The following MOG variants were observed in gnomAD, a reference collection of about 807,000 sequenced individuals.
MOG encodes the protein myelin oligodendrocyte glycoprotein.
MOG carries 20 observed loss-of-function variants against 35.9 expected under a neutral mutation model. The observed-to-expected ratio is 0.56, with a 90% confidence interval of 0.39 to 0.81. The LOEUF is 0.81. Among genes scored for constraint, MOG ranks in the 30% least tolerant of loss-of-function variants. MOG has a pLI of 0.00. For missense variants in MOG, 251 were observed against 301.0 expected, an observed-to-expected ratio of 0.83 and a Z score of 1.23; for synonymous variants, 92 against 114.3, an observed-to-expected ratio of 0.80 and a Z score of 1.25.
At chr6:29,657,663 C>CTTTTTTTTTT (rs9278226) in intron 1 of MOG, among the ~76,000 whole-genome samples, 16 of 110,042 alleles carry the variant, frequency 1.5e-4, no homozygotes, top group Admixed American at 2.1e-4. Flanking sequence ...TTTTTCTTTT[C>CTTTTTTTTTT]TTTTTTTTTT....
intron 1 of MOG, among the ~76,000 whole-genome samples, chr6:29,657,663 C>CTTTTTTTTTTTTTTTTT (rs9278226): frequency 3.6e-5 from 4 of 110,048 alleles, no homozygotes; most frequent in Non-Finnish European, 5.4e-5. Flanking sequence ...TTTTTCTTTT[C>CTTTTTTTTTTTTTTTTT]TTTTTTTTTT....
intron 2 of MOG, chr6:29,664,539 C>T: frequency 2.4e-6 from 1 of 416,562 alleles, no homozygotes; most frequent in Non-Finnish European, 4.7e-6. Flanking sequence ...TAGAAGAGGG[C>T]TCTTAACCTT....
intron 3 of MOG, among the ~76,000 whole-genome samples, chr6:29,666,808 T>C (rs1176669878): frequency 1.3e-5 from 2 of 152,228 alleles, no homozygotes; most frequent in African/African-American, 4.8e-5. Flanking sequence ...GCTTTCATTC[T>C]GAGCCTTCTC....
At chr6:29,666,974 G>A (rs1371135065) in intron 3 of MOG, among the ~76,000 whole-genome samples, 9 of 152,160 alleles carry the variant, frequency 5.9e-5, no homozygotes, top group Admixed American at 5.9e-4. Flanking sequence ...CAACAACAAA[G>A]TCCTTTCTCT....
chr6:29,670,064 TGGCAG>T lies in MOG; in HGVS notation c.593-216_593-212del, dbSNP rs1465378655. The T allele has an allele frequency of 1.5e-4, 121 of 830,866 alleles. No homozygotes were observed. Among genetic ancestry groups the T allele is most frequent in the Non-Finnish European group, 2.3e-4 (115 of 490,422 alleles). 51.5% of individuals were successfully genotyped at this position (830,866 alleles called of 1,614,324 possible). On this transcript the variant is annotated intron_variant, in intron 5 of 7. Transcript: ENST00000376917. The surrounding 1 kb of genome is among the most constrained non-coding windows in gnomAD (Gnocchi z 4.2). Reference sequence around the variant, plus strand: ...GATTACAGGCATGAGCCACCACACCTGGCAGTTGTTACATTTTTAATGAAAGAAAA... The same window carrying T: ...GATTACAGGCATGAGCCACCACACCTTTGTTACATTTTTAATGAAAGAAAA...
At chr6:29,658,764 A>G (rs1053115868) in intron 1 of MOG, among the ~76,000 whole-genome samples, 3 of 152,206 alleles carry the variant, frequency 2.0e-5, no homozygotes, top group Non-Finnish European at 2.9e-5. Flanking sequence ...TGTTCTGTCC[A>G]GGACATTCAC....
At chr6:29,663,938 T>C in intron 2 of MOG, 12 of 970,064 alleles carry the variant, frequency 1.2e-5, no homozygotes, top group Non-Finnish European at 1.5e-5. Flanking sequence ...CTGTGATGTA[T>C]CCCTACCTTT....
rs767149808 is a variant in MOG, at chr6:29,670,434, G to T, written c.709+37G>T. ...GGGCAGCAGGCAAGACCACCAAATA[G>T]TGGGGGACCAAGTCAGCTCTGAATG... is the stretch of plus-strand genomic sequence containing the variant. On this transcript the variant is annotated intron_variant, in intron 6 of 7. Transcript: ENST00000376917. The surrounding 1 kb of genome is among the most constrained non-coding windows in gnomAD (Gnocchi z 4.2). 10 of 1,595,430 alleles carry T rather than the reference G, an allele frequency of 6.3e-6. No individual in the cohort carries two copies. In the East Asian group the frequency reaches 2.0e-4, roughly 32 times the overall value.
intron 2 of MOG, among the ~76,000 whole-genome samples, chr6:29,663,252 A>G (rs1389331031): frequency 6.8e-6 from 1 of 147,504 alleles, no homozygotes; most frequent in Non-Finnish European, 1.5e-5. Flanking sequence ...AGCCTGGGGC[A>G]ACAGAGTGAG....
At chr6:29,661,883 G>T (rs1583108038) in intron 2 of MOG, 1 of 984,830 alleles carries the variant, frequency 1.0e-6, no homozygotes, top group African/African-American at 1.8e-5. Context: ...TGCCTCAGGG[G>T]AGAAAGTTCT....
chr6:29,666,162 C>T lies in MOG; in HGVS notation c.447C>T (p.Tyr149=), dbSNP rs1770164486. Residue 149 remains tyrosine (Y), a synonymous_variant, in exon 3 of 8, where the codon TAC becomes TAT. Coordinates refer to ENST00000376917, the MANE Select transcript of MOG (RefSeq NM_206809.4). ...AGTCCTGCCTTTCAGATCCTTTCTA[C>T]TGGGTGAGCCCTGGAGTGCTGGTTC... The part of the protein sequence containing the change: ...AMELKVEDPF[Y]WVSPGVLVLL... 1.2e-6 allele frequency: 2 copies of T among 1,611,418 alleles called. No homozygotes were observed. The highest frequency in any genetic ancestry group is 3.3e-5 in the Admixed American group (2 of 59,986).
Position 29,664,875 on chromosome 6 carries a change from T to C in MOG, c.437-1277T>C, listed in dbSNP as rs1769847475. On this transcript the variant is annotated intron_variant, in intron 2 of 7. Coordinates refer to ENST00000376917, the MANE Select transcript of MOG (RefSeq NM_206809.4). ...ATCTTCCTGCCTTGGCCTCCCAAAG[T>C]GGTGGGATTACAGGGGAGAGCCACC... The C allele has an allele frequency of 1.1e-5, 3 of 280,198 alleles. 1 individual carries two copies. Among genetic ancestry groups the C allele is most frequent in the South Asian group, 8.8e-5 (3 of 34,014 alleles). 17.4% of individuals were successfully genotyped at this position (280,198 alleles called of 1,614,324 possible).
intron 2 of MOG, chr6:29,664,917 A>C: frequency 4.5e-6 from 1 of 222,858 alleles, no homozygotes; most frequent in Non-Finnish European, 9.2e-6. Flanking sequence ...AGCCAGAAGA[A>C]TGTTTTAAAT....
chr6:29,667,635 T>C lies in MOG; in HGVS notation c.551-8T>C. ...CAGGAACTAAAATGTTGCCTTTTTC[T>C]ATTTTAGGAAAACTTCGAGCAGAGA... On this transcript the variant is annotated splice_region_variant and splice_polypyrimidine_tract_variant and intron_variant, in intron 3 of 7. Transcript: ENST00000376917. 6.2e-7 allele frequency: 1 copy of C among 1,614,146 alleles called. No individual in the cohort carries two copies. Among genetic ancestry groups the C allele is most frequent in the Non-Finnish European group, 8.5e-7 (1 of 1,180,016 alleles).
chr6:29,670,020 C>T lies in MOG; in HGVS notation c.593-261C>T, dbSNP rs1319293736. The T allele has an allele frequency of 7.0e-6, 5 of 712,224 alleles. No individual in the cohort carries two copies. The highest frequency in any genetic ancestry group is 2.0e-5 in the Admixed American group (1 of 49,030). 44.1% of individuals were successfully genotyped at this position (712,224 alleles called of 1,614,324 possible). A position where few individuals can be genotyped will look rare whatever the true frequency, so the allele number is the denominator to read the frequency against. On this transcript the variant is annotated intron_variant, in intron 5 of 7. Coordinates refer to ENST00000376917, the MANE Select transcript of MOG (RefSeq NM_206809.4). This position sits in a 1 kb window ranked among gnomAD's most constrained non-coding sequence, Gnocchi z 4.2. ...TCTTGGCCTCATGATCCACCCGTCT[C>T]GGACTCCCAGAGTGTTGGGATTACA...
chr6:29,661,488 T>G (rs1768724658), intron 2 of MOG: 1 of 985,212 alleles, frequency 1.0e-6, no homozygotes, highest in Admixed American at 6.2e-5. Context: ...GCTCAGTAAC[T>G]GCCTCTCCCA....
At chr6:29,665,690 A>T (rs916452624) in intron 2 of MOG, among the ~76,000 whole-genome samples, 17 of 151,922 alleles carry the variant, frequency 1.1e-4, no homozygotes, top group Non-Finnish European at 1.5e-5. Context: ...GTCACTTCTC[A>T]GCTTGGAATC....
rs1321600954 is a variant in MOG at position 29,671,408 on chromosome 6, ATT to A, written c.*225_*226del. On this transcript the variant is annotated 3_prime_UTR_variant, in exon 8 of 8. Transcript: ENST00000376917. Reference sequence around the variant, plus strand: ...TCCCATTTTTATTACCCTTCTTTCCATTTCTCTCTCCAGTCTTCCACCTGGAA... The same window carrying A: ...TCCCATTTTTATTACCCTTCTTTCCATCTCTCTCCAGTCTTCCACCTGGAA... The A allele has an allele frequency of 1.2e-6, 2 of 1,611,910 alleles. No individual in the cohort carries two copies. The highest frequency in any genetic ancestry group is 3.3e-5 in the Admixed American group (2 of 59,932).
At chr6:29,667,616 C>G (rs1372899426) in intron 3 of MOG, 27 bp from the exon 4 acceptor site, 18 of 1,614,062 alleles carry the variant, frequency 1.1e-5, no homozygotes, top group Non-Finnish European at 1.5e-5. Context: ...CATGCAGGAA[C>G]TAAAATGTTG....
Sources: gnomAD v4.1 joint callset for allele counts (sites outside exome capture counted in the v4.1 genomes callset) on GRCh38, gnomAD v4.1.1 for gene constraint, Gnocchi (gnomAD v3.1) non-coding constraint, MANE v1.5 for transcripts, NCBI Gene and HGNC (gene_info 2026-07-23, HGNC 2026-07-21) for gene names.